The following SREBF1 variants were observed in gnomAD, a reference collection of about 807,000 sequenced individuals.
SREBF1 encodes the protein sterol regulatory element-binding protein 1.
Under a neutral mutation model 100.1 loss-of-function variants are expected in SREBF1, and 45 were observed. The ratio of observed to expected loss-of-function variants is 0.45; its 90% CI spans 0.35 to 0.58. The LOEUF (loss-of-function observed/expected upper bound fraction) is 0.58. Ranked by LOEUF, SREBF1 falls within the 20% of genes least tolerant of loss-of-function variation. The pLI is 0.00. For missense variants in SREBF1, 1,324 were observed against 1,539.4 expected (o/e 0.86, Z 2.34); for synonymous variants, 657 against 681.8 (o/e 0.96, Z 0.57).
chr17:17,816,786 C>T (rs939203569), intron 9 of SREBF1, 68 bp from the exon 10 acceptor site: 6 of 1,568,942 alleles, frequency 3.8e-6, no homozygotes, highest in East Asian at 2.3e-5. Flanking sequence ...TCAGAAGAGC[C>T]GTCCACAGCA....
At position 17,819,012 on chromosome 17, in the gene SREBF1, C is replaced by G; in HGVS notation, c.1068+1G>C. On this transcript the variant is annotated splice_donor_variant, in intron 5 of 18. Coordinates refer to ENST00000261646, the MANE Select transcript of SREBF1 (RefSeq NM_004176.5). LOFTEE classifies it high-confidence loss of function. ...CTGTGCCCCTGCAGGCCTCTCCACA[C>G]CTTTGCCTCAGTGCCCACCACCAGA... 1 of 1,612,832 alleles carries G rather than the reference C, an allele frequency of 6.2e-7. No homozygotes were observed. The highest frequency in any genetic ancestry group is 2.2e-5 in the East Asian group (1 of 44,888).
chr17:17,811,542 G>C lies in SREBF1; in HGVS notation c.*1080C>G, dbSNP rs971964618. On this transcript the variant is annotated 3_prime_UTR_variant, in exon 19 of 19. Transcript: ENST00000261646. ...TGGGAATGAAGGGAGGGGCTGGGGG[G>C]GGGGGCATGAATGGAGTCAGGGAGT... 4.2e-5 allele frequency: 13 copies of C among 310,810 alleles called. No homozygotes were observed. Among genetic ancestry groups the C allele is most frequent in the Non-Finnish European group, 7.4e-5 (12 of 162,436 alleles). 19.3% of individuals were successfully genotyped at this position (310,810 alleles called of 1,614,324 possible). A position where few individuals can be genotyped will look rare whatever the true frequency, so the allele number is the denominator to read the frequency against.
chr17:17,816,697 G>C lies in SREBF1; in HGVS notation c.1807C>G (p.Gln603Glu), dbSNP rs202078828. The change falls in exon 10 of 19, where the codon CAG (glutamine) becomes GAG (glutamate). Residue 603 changes from glutamine (Q) to glutamate (E), a missense_variant. Physicochemically the swap from Gln to Glu is conservative, Grantham distance 29 (BLOSUM62 2). Transcript: ENST00000261646. The part of the protein sequence containing the change: ...LARGDFAQAA[Q>E]QLWLALRALG... ...GCCCGCAGGGCCAGCCACAGCTGCT[G>C]GGCAGCCTGGGCAAAGTCTCCCTGT... 1.3e-6 allele frequency: 2 copies of C among 1,581,146 alleles called. No individual in the cohort carries two copies. The highest frequency in any genetic ancestry group is 4.6e-5 in the East Asian group (2 of 43,532).
Position 17,815,211 on chromosome 17 carries a change from C to T in SREBF1, c.2492+10G>A, listed in dbSNP as rs767291140. Reference sequence around the variant, plus strand: ...GGGCCTTGCCTGGAGGAGGGCACAACGACACTTACTTGTCCCCATCAGCTG... The same window carrying T: ...GGGCCTTGCCTGGAGGAGGGCACAATGACACTTACTTGTCCCCATCAGCTG... On this transcript the variant is annotated intron_variant, in intron 13 of 18. Coordinates refer to ENST00000261646, the MANE Select transcript of SREBF1 (RefSeq NM_004176.5). The T allele has an allele frequency of 2.8e-5, 45 of 1,610,582 alleles. 2 individuals carry two copies. Among genetic ancestry groups the T allele is most frequent in the South Asian group, 4.4e-5 (4 of 91,040 alleles).
At chr17:17,814,025 C>G in intron 16 of SREBF1, 1 of 656,268 alleles carries the variant, frequency 1.5e-6, no homozygotes, top group Non-Finnish European at 2.6e-6. Flanking sequence ...CACCATCCAC[C>G]CCCCTCCTCC....
At chr17:17,814,988 C>T (rs1235409338) in intron 13 of SREBF1, 44 bp from the exon 14 acceptor site, 5 of 1,526,726 alleles carry the variant, frequency 3.3e-6, no homozygotes, top group African/African-American at 1.4e-5. Context: ...TGGCAGGGGT[C>T]CTAGGAGGGT....
In SREBF1 at chr17:17,817,442, G is replaced by A. The variant is rs545736442; in HGVS notation, c.1420C>T (p.Arg474Trp). Reference protein sequence around the residue: ...FEDSKAKPEQRPSLHSRGMLD... With the variant: ...FEDSKAKPEQWPSLHSRGMLD... ...ATGCCCCGGCTGTGCAGAGACGGCC[G>A]CTGCTCTGGCTTTGCCTGGTGGGGT... is the stretch of plus-strand genomic sequence containing the variant. The change falls in exon 8 of 19, where the codon CGG (arginine) becomes TGG (tryptophan). Residue 474 changes from arginine to tryptophan, a missense_variant. Physicochemically the swap from Arg to Trp is moderately radical, Grantham distance 101 (BLOSUM62 -3). Coordinates refer to ENST00000261646, the MANE Select transcript of SREBF1 (RefSeq NM_004176.5). This position sits in a 1 kb window ranked among gnomAD's most constrained non-coding sequence, Gnocchi z 6.6. The A allele has an allele frequency of 2.7e-5, 43 of 1,584,490 alleles. No individual in the cohort carries two copies. The highest frequency in any genetic ancestry group is 1.7e-4 in the South Asian group (15 of 87,390).
At chr17:17,813,029 A>T in intron 18 of SREBF1, 178 bp from the exon 19 acceptor site, 1 of 622,388 alleles carries the variant, frequency 1.6e-6, no homozygotes, top group East Asian at 2.8e-5. Context: ...AAGTCCACAG[A>T]CTGAGTCACG....
chr17:17,827,967 C>A (rs1015858101), intron 1 of SREBF1, among the ~76,000 whole-genome samples: 3 of 152,226 alleles, frequency 2.0e-5, no homozygotes, highest in Admixed American at 6.5e-5. Context: ...CACCACCCCC[C>A]CAGACCTATC....
chr17:17,823,667 C>CGCCCCGCCCCCA (rs754830322), intron 1 of SREBF1: 12 of 1,291,898 alleles, frequency 9.3e-6, no homozygotes, highest in East Asian at 2.9e-5. Context: ...CGCCCCGCCC[C>CGCCCCGCCCCCA]GCCCCGCCCC....
chr17:17,821,453 G>A (rs1365088550), intron 1 of SREBF1, among the ~76,000 whole-genome samples: 1 of 152,126 alleles, frequency 6.6e-6, no homozygotes, highest in Non-Finnish European at 1.5e-5. Context: ...TAGGGCAGAG[G>A]GGGTCTTCAT....
chr17:17,812,649 G>A lies in SREBF1; in HGVS notation c.3417C>T (p.Gly1139=), dbSNP rs141409580. 2.2e-4 allele frequency: 349 copies of A among 1,607,668 alleles called. 1 individual carries two copies. In the African/African-American group the frequency reaches 4.4e-3, roughly 20 times the overall value. The change falls in exon 19 of 19, where the codon GGC becomes GGT. Residue 1139 remains glycine (G), a synonymous_variant. Transcript: ENST00000261646. ...HDCQQMLMRL[G]GGTTVTSS ...AGCTGGAAGTGACAGTGGTCCCACC[G>A]CCCAGGCGCATGAGCATCTGCTGAC...
Position 17,821,524 on chromosome 17 carries a change from C to A in SREBF1, c.92-1003G>T, listed in dbSNP as rs1567978494. ...ACTCCTGGTCTCATCCTAAAACGCACCCCCAGCAGGATCCTCTGGGCACTG... is the reference window on the plus strand; with the variant it reads ...ACTCCTGGTCTCATCCTAAAACGCAACCCCAGCAGGATCCTCTGGGCACTG... On this transcript the variant is annotated intron_variant, in intron 1 of 18. Coordinates refer to ENST00000261646, the MANE Select transcript of SREBF1 (RefSeq NM_004176.5). Among the ~76,000 whole-genome samples the A allele has an allele frequency of 2.0e-5, 3 of 152,290 alleles. No homozygotes were observed. The East Asian group carries it at 5.8e-4, about 29-fold the overall frequency.
At chr17:17,828,600 G>A (rs1327558765) in intron 1 of SREBF1, among the ~76,000 whole-genome samples, 2 of 152,158 alleles carry the variant, frequency 1.3e-5, no homozygotes, top group Non-Finnish European at 2.9e-5. Flanking sequence ...CCCTGCTGCT[G>A]GGCACCTGTT....
intron 12 of SREBF1, 65 bp from the exon 13 acceptor site, chr17:17,815,394 C>G: frequency 4.3e-6 from 6 of 1,404,908 alleles, no homozygotes; most frequent in Non-Finnish European, 5.0e-6. Context: ...AAGCTAAGGG[C>G]TTTTTCCTGG....
chr17:17,812,192 CTACACTATG>C lies in SREBF1; in HGVS notation c.*421_*429del, dbSNP rs1330360757. 3 of 427,774 alleles carry C rather than the reference CTACACTATG, an allele frequency of 7.0e-6. No homozygotes were observed. The highest frequency in any genetic ancestry group is 4.4e-6 in the Non-Finnish European group (1 of 228,274). The allele number at this position is 427,774 out of a possible 1,614,324, so 26.5% of individuals were successfully genotyped here. A position where few individuals can be genotyped will look rare whatever the true frequency, so the allele number is the denominator to read the frequency against. ...AGGTCAGGAGGCTAAGCACGCTGAC[CTACACTATG>C]TACACGTCTCTCTCCCACGACGGAG... On this transcript the variant is annotated 3_prime_UTR_variant, in exon 19 of 19. Transcript: ENST00000261646.
At chr17:17,816,890 G>A (rs2033650459) in intron 9 of SREBF1, 68 bp downstream of exon 9, 9 of 1,607,108 alleles carry the variant, frequency 5.6e-6, no homozygotes, top group Non-Finnish European at 6.8e-6. Context: ...AGGAACAAGG[G>A]TTGACACCCA....
intron 1 of SREBF1, among the ~76,000 whole-genome samples, chr17:17,831,682 T>G (rs532816791): frequency 1.3e-5 from 2 of 152,122 alleles, no homozygotes; most frequent in South Asian, 4.1e-4. Flanking sequence ...CCAACACAGG[T>G]ACAGGGCCAT....
chr17:17,813,400 A>G lies in SREBF1; in HGVS notation c.3182T>C (p.Leu1061Pro), dbSNP rs1270083703. The change falls in exon 18 of 19, where the codon CTG (leucine) becomes CCG (proline). Residue 1061 changes from leucine to proline, a missense_variant. By Grantham distance (98) the Leu-to-Pro change is moderately conservative. Coordinates refer to ENST00000261646, the MANE Select transcript of SREBF1 (RefSeq NM_004176.5). ...TRTHQLLDRS[L>P]RRRAGPGGKG... ...GCCACCGGGGCCTGCCCGCCGCCTC[A>G]GACTGCGGTCGAGGAGCTGGTGTGT... The G allele has an allele frequency of 6.2e-7, 1 of 1,602,840 alleles. No individual in the cohort carries two copies. Among genetic ancestry groups the G allele is most frequent in the Non-Finnish European group, 8.5e-7 (1 of 1,176,048 alleles).
Sources: allele counts gnomAD v4.1 joint callset (sites outside exome capture counted in the v4.1 genomes callset), GRCh38; gene constraint gnomAD v4.1.1; non-coding constraint Gnocchi (gnomAD v3.1); transcripts MANE v1.5; gene names NCBI Gene and HGNC (gene_info 2026-07-23, HGNC 2026-07-21).